Variants in ASAP1 observed in about 807,000 individuals in gnomAD.
ASAP1 encodes the protein arf-GAP with SH3 domain, ANK repeat and PH domain-containing protein 1.
In ASAP1, 43 loss-of-function variants were observed where a neutral mutation model predicts 145.2. That is an observed-to-expected ratio of 0.30 (90% CI 0.23 to 0.38). The LOEUF is 0.38. Ranked by LOEUF, ASAP1 falls within the 10% of genes least tolerant of loss-of-function variation. The pLI is 1.00. For missense variants in ASAP1, 1,018 were observed against 1,355.3 expected (o/e 0.75, Z 3.91); for synonymous variants, 546 against 515.5 (o/e 1.06, Z -0.80).
chr8:130,323,439 A>T (rs1824136125), intron 3 of ASAP1, among the ~76,000 whole-genome samples: 1 of 152,240 alleles, frequency 6.6e-6, no homozygotes, highest in Non-Finnish European at 1.5e-5. Context: ...GGCAGCATTA[A>T]ACTGACCTAG....
At chr8:130,250,801 T>C (rs1819147607) in intron 3 of ASAP1, among the ~76,000 whole-genome samples, 1 of 152,152 alleles carries the variant, frequency 6.6e-6, no homozygotes, top group Non-Finnish European at 1.5e-5. Flanking sequence ...GTTCCTACCC[T>C]GTGATTTGTA....
intron 5 of ASAP1, 136 bp from the exon 6 acceptor site, chr8:130,188,319 C>A (rs889208141): frequency 7.3e-6 from 5 of 687,816 alleles, no homozygotes; most frequent in East Asian, 2.6e-5. Flanking sequence ...TTTCATTGAA[C>A]CTACATGACA....
chr8:130,380,070 C>G (rs1586941024), intron 2 of ASAP1, among the ~76,000 whole-genome samples: 1 of 152,228 alleles, frequency 6.6e-6, no homozygotes, highest in East Asian at 1.9e-4. Context: ...TCCTACTAAG[C>G]ACCTACCTGT....
At chr8:130,071,462 T>G (rs1345456533) in intron 27 of ASAP1, among the ~76,000 whole-genome samples, 2 of 152,218 alleles carry the variant, frequency 1.3e-5, no homozygotes, top group African/African-American at 4.8e-5. Flanking sequence ...AGCCTCACCC[T>G]ATCTGAATGG....
chr8:130,133,912 C>A (rs544591016), intron 15 of ASAP1, among the ~76,000 whole-genome samples: 1 of 152,342 alleles, frequency 6.6e-6, no homozygotes, highest in South Asian at 2.1e-4. Flanking sequence ...AAGGCCCCTC[C>A]TGAGGGCAAG....
intron 2 of ASAP1, among the ~76,000 whole-genome samples, chr8:130,378,048 G>A (rs1827587822): frequency 6.6e-6 from 1 of 152,188 alleles, no homozygotes; most frequent in African/African-American, 2.4e-5. Context: ...AGATAATGTT[G>A]TTTCCCAGTG....
chr8:130,218,543 C>T (rs1048500881), intron 4 of ASAP1, among the ~76,000 whole-genome samples: 4 of 152,158 alleles, frequency 2.6e-5, no homozygotes, highest in Non-Finnish European at 5.9e-5. Flanking sequence ...AAGAAGCTCT[C>T]CATCTATCTG....
At chr8:130,138,019 T>C (rs993785063) in intron 13 of ASAP1, among the ~76,000 whole-genome samples, 1 of 152,196 alleles carries the variant, frequency 6.6e-6, no homozygotes, top group South Asian at 2.1e-4. Context: ...CCTGTTTCGA[T>C]TGAGAGCTGT....
intron 9 of ASAP1, among the ~76,000 whole-genome samples, chr8:130,174,679 A>G (rs1394027873): frequency 6.6e-6 from 1 of 152,222 alleles, no homozygotes; most frequent in Non-Finnish European, 1.5e-5. Flanking sequence ...AATCATGCCT[A>G]TGTAATAAAA....
At chr8:130,200,556 A>T (rs1283917227) in intron 5 of ASAP1, among the ~76,000 whole-genome samples, 1 of 152,228 alleles carries the variant, frequency 6.6e-6, no homozygotes, top group East Asian at 1.9e-4. Context: ...ATGTTAAAAA[A>T]ATTATATGAC....
At position 130,112,993 on chromosome 8, in the gene ASAP1, C is replaced by T. The variant is rs34635974; in HGVS notation, c.2173-671G>A. Among the ~76,000 whole-genome samples the T allele has an allele frequency of 2.9e-3, 449 of 152,330 alleles. 2 individuals are homozygous for T. The highest frequency in any genetic ancestry group is 7.6e-3 in the Admixed American group (117 of 15,308). On this transcript the variant is annotated intron_variant, in intron 23 of 29. Transcript: ENST00000518721. ...CTTGGAAATATCCCTTGAAGCCCCT[C>T]CTAGTACAGGTGCTCACCAGCTCCC...
At chr8:130,182,340 T>C (rs916639605) in intron 7 of ASAP1, among the ~76,000 whole-genome samples, 1 of 152,200 alleles carries the variant, frequency 6.6e-6, no homozygotes, top group Non-Finnish European at 1.5e-5. Context: ...CGGAATTCAA[T>C]AAATATTTGG....
At chr8:130,140,911 C>T (rs951428319) in intron 13 of ASAP1, among the ~76,000 whole-genome samples, 1 of 152,174 alleles carries the variant, frequency 6.6e-6, no homozygotes, top group African/African-American at 2.4e-5. Context: ...AGTCCAAAAA[C>T]CAAGGCATTT....
chr8:130,317,800 G>C (rs1823756708), intron 3 of ASAP1, among the ~76,000 whole-genome samples: 2 of 152,208 alleles, frequency 1.3e-5, no homozygotes. Flanking sequence ...TGGCTGAAGT[G>C]ATGAACATGG....
At chr8:130,319,743 T>C (rs1446118903) in intron 3 of ASAP1, among the ~76,000 whole-genome samples, 1 of 152,076 alleles carries the variant, frequency 6.6e-6, no homozygotes, top group Non-Finnish European at 1.5e-5. Context: ...CCAACATCAG[T>C]AACAGGAATA....
intron 1 of ASAP1, among the ~76,000 whole-genome samples, chr8:130,439,503 T>C (rs77006899): frequency 0.02 from 2,971 of 152,292 alleles, 107 homozygotes; most frequent in African/African-American, 0.069. Context: ...TAGCTAACAT[T>C]TGTCGAATTT....
intron 1 of ASAP1, among the ~76,000 whole-genome samples, chr8:130,425,071 C>T (rs1479591939): frequency 6.6e-6 from 1 of 152,072 alleles, no homozygotes; most frequent in Non-Finnish European, 1.5e-5. Context: ...TGGCTTATCC[C>T]TGTAATCCCA....
At chr8:130,339,428 G>C (rs1342565811) in intron 3 of ASAP1, among the ~76,000 whole-genome samples, 1 of 152,134 alleles carries the variant, frequency 6.6e-6, no homozygotes, top group Admixed American at 6.6e-5. Flanking sequence ...AAGTATCCTT[G>C]AGTACATCGA....
At chr8:130,302,596 G>A (rs1822745826) in intron 3 of ASAP1, among the ~76,000 whole-genome samples, 1 of 152,208 alleles carries the variant, frequency 6.6e-6, no homozygotes, top group Non-Finnish European at 1.5e-5. Flanking sequence ...TCTGCTGGGA[G>A]CACTAGATTA....
Sources: allele counts gnomAD v4.1 joint callset (sites outside exome capture counted in the v4.1 genomes callset), GRCh38; gene constraint gnomAD v4.1.1; transcripts MANE v1.5; gene names NCBI Gene and HGNC (gene_info 2026-07-23, HGNC 2026-07-21).